Variants in EMCN observed in about 807,000 individuals in gnomAD.
The protein encoded by EMCN is MUC-14.
A neutral mutation model predicts 38.4 loss-of-function variants in EMCN; 37 were observed. The ratio of observed to expected loss-of-function variants is 0.96; its 90% CI spans 0.74 to 1.27. The LOEUF (loss-of-function observed/expected upper bound fraction) is 1.27. Among genes scored for constraint, EMCN ranks in the 50% most tolerant of loss-of-function variants. EMCN has a pLI of 0.00. For missense variants in EMCN, 318 were observed against 302.8 expected, an observed-to-expected ratio of 1.05 and a Z score of -0.37; for synonymous variants, 95 against 100.8, an observed-to-expected ratio of 0.94 and a Z score of 0.35.
At chr4:100,455,623 A>G (rs1727991568) in intron 4 of EMCN, among the ~76,000 whole-genome samples, 1 of 149,408 alleles carries the variant, frequency 6.7e-6, no homozygotes. Context: ...TATTTAATGT[A>G]TAATTTTTTT....
chr4:100,401,759 T>C (rs916656954), intron 11 of EMCN, among the ~76,000 whole-genome samples: 1 of 152,098 alleles, frequency 6.6e-6, no homozygotes, highest in African/African-American at 2.4e-5. Flanking sequence ...CGGACTTTGA[T>C]CCAAGCTACC....
At chr4:100,448,314 G>A (rs1458516617) in intron 4 of EMCN, among the ~76,000 whole-genome samples, 1 of 152,014 alleles carries the variant, frequency 6.6e-6, no homozygotes, top group African/African-American at 2.4e-5. Flanking sequence ...GCCCAATAAT[G>A]ACATTTTTAA....
intron 1 of EMCN, among the ~76,000 whole-genome samples, chr4:100,504,915 G>T (rs1443701816): frequency 2.0e-5 from 3 of 152,228 alleles, no homozygotes; most frequent in Non-Finnish European, 4.4e-5. Flanking sequence ...TGCTTCAGTG[G>T]TCACACTCCT....
At chr4:100,454,555 A>G (rs1727956417) in intron 4 of EMCN, among the ~76,000 whole-genome samples, 1 of 152,176 alleles carries the variant, frequency 6.6e-6, no homozygotes, top group Non-Finnish European at 1.5e-5. Flanking sequence ...TTATTTTTTT[A>G]GCAAGAATAT....
chr4:100,403,752 T>TACAG (rs1414371142), intron 11 of EMCN, among the ~76,000 whole-genome samples: 4 of 152,116 alleles, frequency 2.6e-5, no homozygotes, highest in Non-Finnish European at 1.5e-5. Flanking sequence ...CTTGACTTTT[T>TACAG]AATGGTCACC....
At chr4:100,473,386 G>GTTTTTTTTT (rs58646995) in intron 3 of EMCN, among the ~76,000 whole-genome samples, 1 of 82,454 alleles carries the variant, frequency 1.2e-5, no homozygotes, top group Non-Finnish European at 2.2e-5. Context: ...TTTTTTTTTT[G>GTTTTTTTTT]TTTTTTTTTT....
At position 100,490,815 on chromosome 4, in the gene EMCN, A is replaced by G. The variant is rs147865470; in HGVS notation, c.65-10776T>C. On this transcript the variant is annotated intron_variant, in intron 1 of 11. Transcript: ENST00000296420. Reference sequence around the variant, plus strand: ...TAGGGTTCCGTTTTCTCTACATCCTATCTAATACATATCTTCTTTTATATT... The same window carrying G: ...TAGGGTTCCGTTTTCTCTACATCCTGTCTAATACATATCTTCTTTTATATT... Among the ~76,000 whole-genome samples the G allele has an allele frequency of 1.4e-4, 21 of 152,230 alleles. 1 individual carries two copies. The highest frequency in any genetic ancestry group is 4.1e-4 in the African/African-American group (17 of 41,540).
At chr4:100,410,388 C>G in intron 10 of EMCN, 33 bp from the exon 11 acceptor site, 1 of 1,601,974 alleles carries the variant, frequency 6.2e-7, no homozygotes. Context: ...GATCTGTAAG[C>G]TCAGAGACTG....
At chr4:100,484,596 G>A (rs1728892870) in intron 1 of EMCN, among the ~76,000 whole-genome samples, 1 of 151,994 alleles carries the variant, frequency 6.6e-6, no homozygotes, top group Admixed American at 6.6e-5. Flanking sequence ...GCTCTCTCCA[G>A]CTATCTTTCC....
intron 8 of EMCN, 151 bp from the exon 9 acceptor site, chr4:100,417,292 C>T: frequency 1.4e-6 from 1 of 728,908 alleles, no homozygotes; most frequent in South Asian, 1.8e-5. Flanking sequence ...TTCCCCTTGC[C>T]AAGCCATTTC....
At chr4:100,462,392 A>G (rs1728204669) in intron 4 of EMCN, among the ~76,000 whole-genome samples, 1 of 152,154 alleles carries the variant, frequency 6.6e-6, no homozygotes, top group East Asian at 1.9e-4. Flanking sequence ...GTGGAATTAA[A>G]AGTCTTAACT....
intron 5 of EMCN, among the ~76,000 whole-genome samples, chr4:100,429,432 A>T (rs1387682103): frequency 6.6e-6 from 1 of 152,120 alleles, no homozygotes; most frequent in East Asian, 1.9e-4. Flanking sequence ...CCTCCTGTCT[A>T]CTTCATAGGT....
intron 1 of EMCN, among the ~76,000 whole-genome samples, chr4:100,482,321 A>G (rs1728830904): frequency 6.6e-6 from 1 of 151,896 alleles, no homozygotes; most frequent in Non-Finnish European, 1.5e-5. Context: ...GTTGTGTGTA[A>G]GTCTGCACGA....
At position 100,482,280 on chromosome 4, in the gene EMCN, A is replaced by G. The variant is rs146991624; in HGVS notation, c.65-2241T>C. 2.0e-5 allele frequency among the ~76,000 whole-genome samples: 3 copies of G among 152,104 alleles called. No homozygotes were observed. In the East Asian group the frequency reaches 5.8e-4, roughly 29 times the overall value. ...CAAATAATAGGGTAAGTATTGTTTC[A>G]TGAAGCTTTGGTATAGGTGTGTGTG... On this transcript the variant is annotated intron_variant, in intron 1 of 11. Transcript: ENST00000296420.
chr4:100,455,530 A>C (rs532344004), intron 4 of EMCN, among the ~76,000 whole-genome samples: 664 of 23,912 alleles, frequency 0.028, 6 homozygotes, highest in African/African-American at 0.12. Flanking sequence ...TTTTTCTTCC[A>C]GTACTAAAAA....
intron 11 of EMCN, among the ~76,000 whole-genome samples, chr4:100,401,291 A>T (rs191400175): frequency 6.6e-6 from 1 of 152,046 alleles, no homozygotes; most frequent in Non-Finnish European, 1.5e-5. Context: ...ATACATTAAT[A>T]AAAAATAATA....
chr4:100,417,661 A>G (rs1325508132), intron 8 of EMCN, among the ~76,000 whole-genome samples: 1 of 152,178 alleles, frequency 6.6e-6, no homozygotes. Context: ...AGCCCTGCAA[A>G]ATGTCGCAGA....
At chr4:100,493,926 T>C in intron 1 of EMCN, among the ~76,000 whole-genome samples, 1 of 152,358 alleles carries the variant, frequency 6.6e-6, no homozygotes, top group South Asian at 2.1e-4. Flanking sequence ...TGATGACTCA[T>C]ACTTTTTAAT....
intron 5 of EMCN, among the ~76,000 whole-genome samples, chr4:100,435,721 C>T (rs1448111302): frequency 1.3e-5 from 2 of 152,062 alleles, no homozygotes; most frequent in African/African-American, 2.4e-5. Flanking sequence ...AGAAATAAGA[C>T]CACACACCTA....
Sources: gnomAD v4.1 joint callset for allele counts (sites outside exome capture counted in the v4.1 genomes callset) on GRCh38, gnomAD v4.1.1 for gene constraint, MANE v1.5 for transcripts, NCBI Gene and HGNC (gene_info 2026-07-23, HGNC 2026-07-21) for gene names.